The following KDM5B variants were observed in gnomAD, a reference collection of about 807,000 sequenced individuals.
The protein encoded by KDM5B is lysine demethylase 5B.
Under a neutral mutation model 193.4 loss-of-function variants are expected in KDM5B, and 144 were observed. That is an observed-to-expected ratio of 0.74 (90% CI 0.65 to 0.86). The LOEUF (loss-of-function observed/expected upper bound fraction) is 0.86. KDM5B is among the 40% of genes least tolerant of loss of function. The pLI, the probability that KDM5B is intolerant of heterozygous loss-of-function variation, is 0.00. For missense variants in KDM5B, 1,833 were observed against 1,886.9 expected (o/e 0.97, Z 0.53); for synonymous variants, 668 against 682.6 (o/e 0.98, Z 0.33).
At chr1:202,747,143 T>G (rs900225959) in intron 14 of KDM5B, among the ~76,000 whole-genome samples, 3 of 152,168 alleles carry the variant, frequency 2.0e-5, no homozygotes, top group Admixed American at 1.3e-4. Context: ...TATTTTAACC[T>G]TTTAACTATT....
chr1:202,764,336 T>G (rs1314111318), intron 5 of KDM5B, among the ~76,000 whole-genome samples, 191 bp from the exon 6 acceptor site: 1 of 151,922 alleles, frequency 6.6e-6, no homozygotes, highest in African/African-American at 2.4e-5. Flanking sequence ...AATGAGAAAT[T>G]TAAAAATAGG....
intron 20 of KDM5B, 135 bp from the exon 21 acceptor site, chr1:202,736,527 C>T (rs1655102683): frequency 2.0e-6 from 1 of 502,274 alleles, no homozygotes; most frequent in Admixed American, 4.2e-5. Flanking sequence ...TTCACAAACG[C>T]TGACTAACCT....
At position 202,738,730 on chromosome 1, in the gene KDM5B, T is replaced by C. The variant is rs565126536; in HGVS notation, c.3084+1944A>G. Among the ~76,000 whole-genome samples the C allele has an allele frequency of 1.2e-4, 18 of 152,318 alleles. 1 individual carries two copies. Among genetic ancestry groups the C allele is most frequent in the Non-Finnish European group, 2.5e-4 (17 of 68,022 alleles). On this transcript the variant is annotated intron_variant, in intron 20 of 26. Transcript: ENST00000367265. Reference sequence around the variant, plus strand: ...AATAGGTCAGTAACACCTATTGGTTTATGATGATAAGAGATAAGGGAAGAC... The same window carrying C: ...AATAGGTCAGTAACACCTATTGGTTCATGATGATAAGAGATAAGGGAAGAC...
intron 11 of KDM5B, among the ~76,000 whole-genome samples, chr1:202,753,828 C>T (rs933911784): frequency 2.0e-5 from 3 of 152,178 alleles, no homozygotes; most frequent in Non-Finnish European, 2.9e-5. Flanking sequence ...CACCACCATG[C>T]CCAGCTAATT....
chr1:202,765,625 A>G (rs903925745), intron 5 of KDM5B, among the ~76,000 whole-genome samples: 1 of 152,250 alleles, frequency 6.6e-6, no homozygotes, highest in Non-Finnish European at 1.5e-5. Flanking sequence ...TCAAATAACC[A>G]TATTTTCCTA....
rs369079570 is a variant in KDM5B, at chr1:202,773,229, A to G, written c.465T>C (p.Ile155=). 3 of 1,614,124 alleles carry G rather than the reference A, an allele frequency of 1.9e-6. No individual in the cohort carries two copies. Among genetic ancestry groups the G allele is most frequent in the Middle Eastern group, 1.6e-4 (1 of 6,062 alleles). ...CAGGAGCAAACCCCATCTTGGTAGC[A>G]ATTTTGGTCCATTTTCTATCCTTGC... ...VVCKDRKWTK[I]ATKMGFAPGK... The change falls in exon 4 of 27, where the codon ATT becomes ATC. Residue 155 remains isoleucine, a synonymous_variant. Coordinates refer to ENST00000367265, the MANE Select transcript of KDM5B (RefSeq NM_006618.5).
chr1:202,767,210 TGGA>T, intron 4 of KDM5B, 150 bp from the exon 5 acceptor site: 1 of 1,562,754 alleles, frequency 6.4e-7, no homozygotes, highest in Non-Finnish European at 8.8e-7. Context: ...ATCTGTTAAA[TGGA>T]GGAACTGAAA....
chr1:202,755,547 A>C, intron 10 of KDM5B, 95 bp from the exon 11 acceptor site: 3 of 1,031,506 alleles, frequency 2.9e-6, no homozygotes, highest in Non-Finnish European at 4.2e-6. Context: ...AAAATAAAAA[A>C]AGAAATGTGG....
chr1:202,756,220 G>T (rs1269729018), intron 10 of KDM5B, 138 bp downstream of exon 10: 5 of 723,354 alleles, frequency 6.9e-6, no homozygotes, highest in Admixed American at 2.6e-5. Flanking sequence ...GAATTCTTCT[G>T]TAGGCTCTTT....
chr1:202,729,828 A>G lies in KDM5B; in HGVS notation c.4376T>C (p.Leu1459Ser), dbSNP rs1558477200. ...FKLERERSYE[L>S]VRSAETHSLP... is the part of the protein sequence containing the mutation. ...GGAATGAGTTTCAGCAGAACGAACTAATTCATAGCTACGCTCTCTCTCTAA... is the reference window on the plus strand; with the variant it reads ...GGAATGAGTTTCAGCAGAACGAACTGATTCATAGCTACGCTCTCTCTCTAA... The change falls in exon 26 of 27, where the codon TTA becomes TCA. Residue 1459 changes from leucine (L) to serine (S), a missense_variant. By Grantham distance (145) the Leu-to-Ser change is moderately radical. Transcript: ENST00000367265. 1 of 1,614,064 alleles carries G rather than the reference A, an allele frequency of 6.2e-7. No homozygotes were observed. Among genetic ancestry groups the G allele is most frequent in the East Asian group, 2.2e-5 (1 of 44,882 alleles).
intron 21 of KDM5B, 60 bp from the exon 22 acceptor site, chr1:202,735,647 GA>G (rs1457757758): frequency 1.9e-5 from 29 of 1,494,050 alleles, no homozygotes; most frequent in Non-Finnish European, 2.6e-5. Flanking sequence ...CATTATGTAG[GA>G]AGTCCCAAAA....
At chr1:202,753,685 T>TTG in intron 11 of KDM5B, among the ~76,000 whole-genome samples, 1 of 148,908 alleles carries the variant, frequency 6.7e-6, no homozygotes, top group African/African-American at 2.4e-5. Context: ...GTTTTTTTTT[T>TTG]TTGAGACTGA....
At chr1:202,739,357 AT>A (rs1655212671) in intron 20 of KDM5B, among the ~76,000 whole-genome samples, 1 of 152,192 alleles carries the variant, frequency 6.6e-6, no homozygotes, top group Admixed American at 6.5e-5. Flanking sequence ...TATGAATAGA[AT>A]TAGTCTTCTG....
chr1:202,756,427 A>T lies in KDM5B; in HGVS notation c.1287T>A (p.Ile429=). The T allele has an allele frequency of 6.2e-7, 1 of 1,613,790 alleles. No homozygotes were observed. The highest frequency in any genetic ancestry group is 1.7e-5 in the Admixed American group (1 of 59,970). The change falls in exon 10 of 27, where the codon ATT becomes ATA. Residue 429 remains isoleucine, a synonymous_variant. Coordinates refer to ENST00000367265, the MANE Select transcript of KDM5B (RefSeq NM_006618.5). ...AGCCACTGCCAAATTCCTTTGAGGC[A>T]ATGTCAGCTCCATATTCCACTGTGA... The part of the protein sequence containing the change: ...EDVTVEYGAD[I]ASKEFGSGFP...
intron 1 of KDM5B, among the ~76,000 whole-genome samples, chr1:202,787,132 T>C (rs1657445879): frequency 6.6e-6 from 1 of 152,126 alleles, no homozygotes; most frequent in South Asian, 2.1e-4. Context: ...TTCTCCCACC[T>C]CAGTCTCCCA....
rs2102215153 is a variant in KDM5B at position 202,733,426 on chromosome 1, G to A, written c.3884C>T (p.Ala1295Val). Residue 1295 changes from alanine to valine, a missense_variant, in exon 23 of 27, where the codon GCA becomes GTA. By Grantham distance (64) the Ala-to-Val change is moderately conservative (BLOSUM62 0). This residue lies in a region of KDM5B where 1,379 missense variants were observed against 1,349.6 expected (regional missense o/e 1.02). Transcript: ENST00000367265. ...GLLYSRWQAS[A>V]GQVSDTNKVS... ...CTTGTTTGTGTCTGACACCTGTCCT[G>A]CTGAGGCTTGCCATCTGCTATATAA... 6.2e-7 allele frequency: 1 copy of A among 1,613,282 alleles called. No homozygotes were observed. Among genetic ancestry groups the A allele is most frequent in the East Asian group, 2.2e-5 (1 of 44,854 alleles).
At chr1:202,795,075 G>T (rs1241749445) in intron 1 of KDM5B, among the ~76,000 whole-genome samples, 3 of 151,836 alleles carry the variant, frequency 2.0e-5, no homozygotes, top group Admixed American at 1.3e-4. Flanking sequence ...TTAGCCGGGC[G>T]TGGTAGCAGG....
At position 202,728,705 on chromosome 1, in the gene KDM5B, G is replaced by C. The variant is rs1273857817; in HGVS notation, c.*331C>G. On this transcript the variant is annotated 3_prime_UTR_variant, in exon 27 of 27. Coordinates refer to ENST00000367265, the MANE Select transcript of KDM5B (RefSeq NM_006618.5). ...CTCTTAAGCTGGTAAATCCCAGAGA[G>C]AGGTAAAATTTTAATGCTGTACATG... is the stretch of plus-strand genomic sequence containing the variant. The C allele has an allele frequency of 5.1e-6, 1 of 196,444 alleles. No individual in the cohort carries two copies. Among genetic ancestry groups the C allele is most frequent in the African/African-American group, 2.3e-5 (1 of 42,826 alleles). 12.2% of individuals were successfully genotyped at this position (196,444 alleles called of 1,614,324 possible). A position where few individuals can be genotyped will look rare whatever the true frequency, so the allele number is the denominator to read the frequency against.
At chr1:202,763,749 T>C (rs181708619) in intron 6 of KDM5B, among the ~76,000 whole-genome samples, 13 of 152,244 alleles carry the variant, frequency 8.5e-5, no homozygotes, top group African/African-American at 3.1e-4. Context: ...CTTAAGTAAC[T>C]GCATTGAATC....
Sources: allele counts gnomAD v4.1 joint callset (sites outside exome capture counted in the v4.1 genomes callset), GRCh38; gene constraint gnomAD v4.1.1; regional missense constraint gnomAD v4.1.1; transcripts MANE v1.5; gene names NCBI Gene and HGNC (gene_info 2026-07-23, HGNC 2026-07-21).